The following ABL1 variants were observed in gnomAD, a reference collection of about 807,000 sequenced individuals.
ABL1 encodes tyrosine-protein kinase ABL1.
In ABL1, 11 loss-of-function variants were observed where a neutral mutation model predicts 94.7. That is an observed-to-expected ratio of 0.12 (90% confidence interval 0.07 to 0.19). The LOEUF (loss-of-function observed/expected upper bound fraction) is 0.19. ABL1 is among the 10% of genes least tolerant of loss of function. The pLI, the probability that ABL1 is intolerant of heterozygous loss-of-function variation, is 1.00. For missense variants in ABL1, 1,082 were observed against 1,489.4 expected (o/e 0.73, Z 4.50); for synonymous variants, 656 against 622.4 (o/e 1.05, Z -0.80).
At chr9:130,808,392 C>T (rs1461767884) in intron 1 of ABL1, among the ~76,000 whole-genome samples, 1 of 151,926 alleles carries the variant, frequency 6.6e-6, no homozygotes, top group African/African-American at 2.4e-5. Context: ...TACAGGCATG[C>T]ACCACCACGC....
At chr9:130,831,908 C>G (rs1422693962), upstream of ABL1, among the ~76,000 whole-genome samples, 1 of 151,992 alleles carries the variant, frequency 6.6e-6, no homozygotes, top group Admixed American at 6.6e-5. Context: ...GTGTCTGGCC[C>G]CCAAACAGTG....
chr9:130,773,273 C>G, intron 1 of ABL1, among the ~76,000 whole-genome samples: 1 of 151,964 alleles, frequency 6.6e-6, no homozygotes, highest in East Asian at 1.9e-4. Flanking sequence ...GAGCTGAGAT[C>G]GTGCCATTGC....
chr9:130,809,411 AGAGAGAGTGT>A (rs746526720), intron 1 of ABL1, among the ~76,000 whole-genome samples: 220 of 116,942 alleles, frequency 1.9e-3, no homozygotes, highest in South Asian at 0.016. Flanking sequence ...AGAGAGAGAG[AGAGAGAGTGT>A]GTGTGTGTGT....
At chr9:130,836,315 T>C (rs1403081987) in intron 1 of ABL1, among the ~76,000 whole-genome samples, 1 of 152,204 alleles carries the variant, frequency 6.6e-6, no homozygotes, top group Non-Finnish European at 1.5e-5. Flanking sequence ...TGTTTTATTT[T>C]ATTTTTCTTT....
At chr9:130,822,456 T>TC (rs1830374561) in intron 1 of ABL1, among the ~76,000 whole-genome samples, 1 of 149,018 alleles carries the variant, frequency 6.7e-6, no homozygotes, top group East Asian at 1.9e-4. Flanking sequence ...TTTTTTTTTT[T>TC]TTTTTTTAAG....
At chr9:130,730,166 C>T (rs967471043) in intron 1 of ABL1, among the ~76,000 whole-genome samples, 2 of 151,738 alleles carry the variant, frequency 1.3e-5, no homozygotes, top group African/African-American at 2.4e-5. Context: ...GCCTCAGCCT[C>T]CCGAGTAGCT....
At position 130,885,524 on chromosome 9, in the gene ABL1, G is replaced by A. The variant is rs369847100; in HGVS notation, c.3234G>A (p.Arg1078=). 6.2e-7 allele frequency: 1 copy of A among 1,614,150 alleles called. No individual in the cohort carries two copies. Among genetic ancestry groups the A allele is most frequent in the Non-Finnish European group, 8.5e-7 (1 of 1,180,044 alleles). ...ATGTGGATTCCATCCAGCAAATGAG[G>A]AACAAGTTTGCCTTCCGAGAGGCCA... ...VSYVDSIQQM[R]NKFAFREAIN... Residue 1078 remains arginine (R), a synonymous_variant, in exon 11 of 11, where the codon AGG becomes AGA. Transcript: ENST00000318560.
At position 130,721,095 on chromosome 9, in the gene ABL1, T is replaced by C. The variant is rs758006603; in HGVS notation, c.136+6640T>C. ...ATAGACACTTGATAAATCAACACTG[T>C]AGGCCGGGCGCTGTGACTCACGCCT... is the stretch of plus-strand genomic sequence containing the variant. On this transcript the variant is annotated intron_variant, in intron 1 of 10. Coordinates refer to the ABL1 transcript ENST00000372348. 6.6e-5 allele frequency among the ~76,000 whole-genome samples: 10 copies of C among 152,118 alleles called. No individual in the cohort carries two copies. In the South Asian group the frequency reaches 1.0e-3, roughly 16 times the overall value.
At chr9:130,837,806 C>G (rs1184548725) in intron 1 of ABL1, among the ~76,000 whole-genome samples, 2 of 152,210 alleles carry the variant, frequency 1.3e-5, no homozygotes, top group Non-Finnish European at 2.9e-5. Context: ...TCCAGGCTTT[C>G]CACTTTCACT....
At chr9:130,802,102 T>C (rs1796512728) in intron 1 of ABL1, among the ~76,000 whole-genome samples, 1 of 150,496 alleles carries the variant, frequency 6.6e-6, no homozygotes, top group East Asian at 1.9e-4. Flanking sequence ...AGTCTTTTTT[T>C]TTTTTTTTGA....
chr9:130,795,152 T>C (rs1321083728), intron 1 of ABL1, among the ~76,000 whole-genome samples: 1 of 152,178 alleles, frequency 6.6e-6, no homozygotes, highest in African/African-American at 2.4e-5. Context: ...TTGGGCCTTT[T>C]GTCCATTGGT....
At chr9:130,834,907 G>T, upstream of ABL1, 1 of 455,900 alleles carries the variant, frequency 2.2e-6, no homozygotes. Flanking sequence ...CTGGCACCGC[G>T]TACTGGGAAA....
chr9:130,760,875 C>T (rs1240372675), intron 1 of ABL1, among the ~76,000 whole-genome samples: 1 of 149,530 alleles, frequency 6.7e-6, no homozygotes, highest in African/African-American at 2.5e-5. Flanking sequence ...CCATGTTGGC[C>T]AGGATGGTCT....
At chr9:130,857,563 A>G (rs547462209) in intron 3 of ABL1, among the ~76,000 whole-genome samples, 1 of 151,718 alleles carries the variant, frequency 6.6e-6, no homozygotes, top group Non-Finnish European at 1.5e-5. Flanking sequence ...GCCAGTACCA[A>G]ACTTGTAATT....
intron 1 of ABL1, among the ~76,000 whole-genome samples, chr9:130,755,832 A>G (rs1294610584): frequency 6.6e-6 from 1 of 152,176 alleles, no homozygotes; most frequent in Non-Finnish European, 1.5e-5. Flanking sequence ...CAGGGCTGTG[A>G]CTTTCCATCT....
intron 1 of ABL1, among the ~76,000 whole-genome samples, chr9:130,741,700 C>T (rs1300855800): frequency 2.0e-5 from 3 of 152,158 alleles, no homozygotes; most frequent in East Asian, 1.9e-4. Flanking sequence ...GTTACCATGC[C>T]GGAGTAACAG....
intron 4 of ABL1, among the ~76,000 whole-genome samples, chr9:130,869,679 G>A (rs1328834739): frequency 6.6e-6 from 1 of 152,160 alleles, no homozygotes; most frequent in Non-Finnish European, 1.5e-5. Context: ...ATTCATCTGA[G>A]TTAGCTTTAT....
At chr9:130,793,311 TA>T (rs1225242885) in intron 1 of ABL1, among the ~76,000 whole-genome samples, 1 of 152,208 alleles carries the variant, frequency 6.6e-6, no homozygotes, top group Non-Finnish European at 1.5e-5. Flanking sequence ...TGGATTTCTT[TA>T]AAAGTTTTTT....
intron 4 of ABL1, among the ~76,000 whole-genome samples, chr9:130,868,895 C>G (rs947622790): frequency 1.2e-4 from 19 of 152,178 alleles, no homozygotes; most frequent in African/African-American, 4.3e-4. Flanking sequence ...GGGCCGGGTG[C>G]AGTGGTTCAT....
Sources: allele counts gnomAD v4.1 joint callset (sites outside exome capture counted in the v4.1 genomes callset), GRCh38; gene constraint gnomAD v4.1.1; transcripts MANE v1.5; gene names NCBI Gene and HGNC (gene_info 2026-07-23, HGNC 2026-07-21).